Variants in MYH16 observed in about 807,000 individuals in gnomAD.
MYH16 encodes putative uncharacterized protein MYH16.
chr7:99,290,054 G>A (rs1792345608), intron 30 of MYH16, among the ~76,000 whole-genome samples: 1 of 152,192 alleles, frequency 6.6e-6, no homozygotes, highest in Non-Finnish European at 1.5e-5. Flanking sequence ...TCACACAGGG[G>A]TAAACAGTAA....
At chr7:99,269,865 CTTTTTTTT>C (rs983455403) in intron 18 of MYH16, among the ~76,000 whole-genome samples, 1,879 of 107,712 alleles carry the variant, frequency 0.017, 42 homozygotes, top group African/African-American at 0.072. Flanking sequence ...TCTGGGGACA[CTTTTTTTT>C]TTTTTTTTTT....
intron 6 of MYH16, among the ~76,000 whole-genome samples, chr7:99,252,165 G>A: frequency 6.6e-6 from 1 of 152,178 alleles, no homozygotes; most frequent in Non-Finnish European, 1.5e-5. Context: ...GAGAGGTGCT[G>A]TCCTAGGGTC....
intron 39 of MYH16, among the ~76,000 whole-genome samples, chr7:99,304,368 G>T (rs1792649962): frequency 6.6e-6 from 1 of 152,162 alleles, no homozygotes; most frequent in Admixed American, 6.5e-5. Context: ...AGTCTGTGGG[G>T]ATGGGAGGCA....
rs1792110984 is a variant in MYH16 at position 99,276,284 on chromosome 7, A to C, written n.2486-1255A>C. Among the ~76,000 whole-genome samples, 3 of 152,346 alleles carry C rather than the reference A, an allele frequency of 2.0e-5. No homozygotes were observed. In the South Asian group the frequency reaches 6.2e-4, roughly 32 times the overall value. ...ACGAGGTTTATCTGTTATCTTTCAA[A>C]AGAGGCGCAGGCTGTCCCTCCTCCC... On this transcript the variant is annotated intron_variant and non_coding_transcript_variant, in intron 20 of 41. Transcript: ENST00000439784.
At chr7:99,276,945 GAA>G (rs979562382) in intron 20 of MYH16, among the ~76,000 whole-genome samples, 6 of 151,854 alleles carry the variant, frequency 4.0e-5, no homozygotes, top group African/African-American at 1.2e-4. Context: ...GAGACAGAGA[GAA>G]AGACAGAAAC....
At chr7:99,255,136 G>T (rs954347361) in intron 8 of MYH16, among the ~76,000 whole-genome samples, 2 of 152,154 alleles carry the variant, frequency 1.3e-5, no homozygotes, top group Admixed American at 1.3e-4. Flanking sequence ...AGGTGTGGTG[G>T]TGGGCACCTG....
intron 6 of MYH16, chr7:99,251,292 T>C (rs1407069681): frequency 6.5e-6 from 1 of 152,804 alleles, no homozygotes; most frequent in African/African-American, 2.4e-5. Context: ...GTGAAAGGGG[T>C]GGGACAAGTG....
rs374766017 is a variant in MYH16, at chr7:99,291,701, G to A, written n.3952+251G>A. ...CTGCTGGGCATGGTGGCTCACACCT[G>A]TAATCCCAGCACTTTGACAGGCCAA... On this transcript the variant is annotated intron_variant and non_coding_transcript_variant, in intron 31 of 41. Transcript: ENST00000439784. 1.7e-4 allele frequency among the ~76,000 whole-genome samples: 24 copies of A among 140,952 alleles called. No individual in the cohort carries two copies. The East Asian group carries it at 3.0e-3, about 17-fold the overall frequency. 92.5% of individuals were successfully genotyped at this position (140,952 alleles called of 152,430 possible).
exon 20 of MYH16, chr7:99,273,390 C>T (rs1792071022): frequency 2.2e-6 from 1 of 456,652 alleles, no homozygotes; most frequent in Non-Finnish European, 4.4e-6. Context: ...TCCTGCAGCT[C>T]CGTTTCTGGG....
chr7:99,262,140 G>A (rs887279503), intron 13 of MYH16, among the ~76,000 whole-genome samples: 1 of 152,138 alleles, frequency 6.6e-6, no homozygotes, highest in Admixed American at 6.5e-5. Flanking sequence ...GACTCAGGTT[G>A]CATTTGCATA....
intron 23 of MYH16, among the ~76,000 whole-genome samples, chr7:99,282,611 T>C (rs1015016748): frequency 2.0e-5 from 3 of 151,800 alleles, no homozygotes; most frequent in African/African-American, 7.3e-5. Flanking sequence ...TAACTGGGAT[T>C]ATAGGCATGT....
chr7:99,284,848 G>A (rs1481857942), exon 26 of MYH16: 1 of 456,520 alleles, frequency 2.2e-6, no homozygotes, highest in Non-Finnish European at 4.4e-6. Flanking sequence ...CTTGCAGGAG[G>A]GATTTGGAAA....
intron 1 of MYH16, among the ~76,000 whole-genome samples, chr7:99,239,567 T>C (rs537917047): frequency 2.0e-4 from 31 of 152,278 alleles, no homozygotes; most frequent in Admixed American, 2.0e-3. Flanking sequence ...CGATGGCTTT[T>C]AACGTGTTGC....
chr7:99,241,226 G>A (rs775308339), intron 1 of MYH16, among the ~76,000 whole-genome samples: 1 of 152,178 alleles, frequency 6.6e-6, no homozygotes, highest in East Asian at 1.9e-4. Flanking sequence ...TGCTGAAAGC[G>A]AAGTGTCTGC....
At chr7:99,289,057 T>C (rs1260352762) in intron 29 of MYH16, among the ~76,000 whole-genome samples, 2 of 150,634 alleles carry the variant, frequency 1.3e-5, no homozygotes, top group Admixed American at 6.6e-5. Context: ...GAGGCTACAG[T>C]GAGCTCTGAT....
At chr7:99,268,445 G>A (rs560767552) in intron 18 of MYH16, among the ~76,000 whole-genome samples, 2 of 152,334 alleles carry the variant, frequency 1.3e-5, no homozygotes, top group East Asian at 1.9e-4. Context: ...TCGTGTGGCC[G>A]GGAAAGCCGG....
chr7:99,274,546 C>T (rs942278318), intron 20 of MYH16, among the ~76,000 whole-genome samples: 2 of 152,170 alleles, frequency 1.3e-5, no homozygotes, highest in East Asian at 1.9e-4. Context: ...ACACACAGGC[C>T]GGCCCTGGAG....
Position 99,302,317 on chromosome 7 carries a change from T to TATACACAC in MYH16, n.5137+514_5137+515insTACACACA, listed in dbSNP as rs1184408879. Among the ~76,000 whole-genome samples, 326 of 95,566 alleles carry TATACACAC rather than the reference T, an allele frequency of 3.4e-3. 16 individuals carry two copies. The highest frequency in any genetic ancestry group is 0.011 in the African/African-American group (238 of 21,690). The allele number at this position is 95,566 out of a possible 152,430, so 62.7% of individuals were successfully genotyped here. A position where few individuals can be genotyped will look rare whatever the true frequency, so the allele number is the denominator to read the frequency against. On this transcript the variant is annotated intron_variant and non_coding_transcript_variant, in intron 38 of 41. Coordinates refer to ENST00000439784, the Ensembl canonical transcript of MYH16. Reference sequence around the variant, plus strand: ...ACCATCTCAAAAAAAAAAAAATATATACACACACACACACACACACACACA... The same window carrying TATACACAC: ...ACCATCTCAAAAAAAAAAAAATATATATACACACACACACACACACACACACACACACA...
intron 20 of MYH16, among the ~76,000 whole-genome samples, chr7:99,274,759 C>T (rs533455002): frequency 2.0e-5 from 3 of 150,822 alleles, no homozygotes; most frequent in Admixed American, 6.6e-5. Context: ...CTGCAACCTC[C>T]GCCTCCCGGG....
Sources: gnomAD v4.1 joint callset for allele counts (sites outside exome capture counted in the v4.1 genomes callset) on GRCh38, gnomAD v4.1.1 for gene constraint, MANE v1.5 for transcripts, NCBI Gene and HGNC (gene_info 2026-07-23, HGNC 2026-07-21) for gene names.